Variants in TTC17 observed in about 807,000 individuals in gnomAD.
TTC17 encodes tetratricopeptide repeat protein 17.
A neutral mutation model predicts 143.8 loss-of-function variants in TTC17; 58 were observed. The observed-to-expected ratio is 0.40, with a 90% CI of 0.33 to 0.50. The LOEUF is 0.50. Among genes scored for constraint, TTC17 ranks in the 20% least tolerant of loss-of-function variants. TTC17 has a pLI of 0.49. For synonymous variants in TTC17, 501 were observed against 497.8 expected (o/e 1.01, Z -0.09); for missense variants, 1,273 against 1,392.5 (o/e 0.91, Z 1.37).
At chr11:43,432,947 C>G (rs1947192497) in intron 16 of TTC17, among the ~76,000 whole-genome samples, 1 of 152,152 alleles carries the variant, frequency 6.6e-6, no homozygotes, top group Non-Finnish European at 1.5e-5. Context: ...CAAATCACAT[C>G]AAAACCCTAA....
At chr11:43,418,018 T>G (rs1044987083) in intron 16 of TTC17, among the ~76,000 whole-genome samples, 2 of 152,354 alleles carry the variant, frequency 1.3e-5, no homozygotes, top group Admixed American at 1.3e-4. Context: ...AATTTGTGTT[T>G]CTTGGAATGC....
At chr11:43,480,872 C>A (rs1590498475) in intron 21 of TTC17, among the ~76,000 whole-genome samples, 6 of 122,636 alleles carry the variant, frequency 4.9e-5, no homozygotes, top group East Asian at 2.4e-4. Context: ...CAAAAAAAAT[C>A]AATACAAGAA....
chr11:43,405,713 G>A, intron 12 of TTC17, 73 bp from the exon 13 acceptor site: 1 of 1,611,832 alleles, frequency 6.2e-7, no homozygotes, highest in South Asian at 1.1e-5. Context: ...CCTTGGACTT[G>A]AAAAGTTAAG....
intron 18 of TTC17, chr11:43,446,784 G>A: frequency 3.3e-6 from 2 of 610,692 alleles, no homozygotes; most frequent in Non-Finnish European, 4.1e-6. Context: ...AGACAAGACA[G>A]TTCTGCTCTT....
Position 43,365,332 on chromosome 11 carries a change from G to A in TTC17, c.159+6219G>A, listed in dbSNP as rs569170771. Among the ~76,000 whole-genome samples the A allele has an allele frequency of 6.6e-5, 10 of 152,102 alleles. No homozygotes were observed. The East Asian group carries it at 1.4e-3, about 21-fold the overall frequency. On this transcript the variant is annotated intron_variant, in intron 1 of 23. Coordinates refer to ENST00000039989, the MANE Select transcript of TTC17 (RefSeq NM_018259.6). ...TGCTCAGGCTGGAATTCAGTGGCAT[G>A]ATTATGGCTCATTGTAAACTTGAAC...
At chr11:43,379,181 C>A in intron 1 of TTC17, 52 bp from the exon 2 acceptor site, 1 of 1,520,582 alleles carries the variant, frequency 6.6e-7, no homozygotes, top group Non-Finnish European at 9.1e-7. Context: ...TTTGTTAATC[C>A]AAACCAGCAT....
intron 16 of TTC17, among the ~76,000 whole-genome samples, chr11:43,435,650 T>G (rs1019114048): frequency 1.3e-5 from 2 of 152,242 alleles, no homozygotes; most frequent in Non-Finnish European, 2.9e-5. Flanking sequence ...TATTGCAGCC[T>G]TAATTGTTGA....
rs1327194386 is a variant in TTC17, at chr11:43,404,387, C to T, written c.1479+243C>T. On this transcript the variant is annotated intron_variant, in intron 11 of 23. Transcript: ENST00000039989. The stretch of plus-strand genomic sequence containing the variant: ...TAGACACCCTGATTTCAGTTCAAAG[C>T]TTTATCCTCTGAGTATTATTACCAA... Among the ~76,000 whole-genome samples the T allele has an allele frequency of 2.6e-5, 4 of 152,294 alleles. No homozygotes were observed. In the East Asian group the frequency reaches 7.7e-4, roughly 29 times the overall value.
At chr11:43,477,824 T>G (rs532457492) in intron 21 of TTC17, among the ~76,000 whole-genome samples, 70 of 152,272 alleles carry the variant, frequency 4.6e-4, no homozygotes, top group Middle Eastern at 3.4e-3. Context: ...TAATTTTTTT[T>G]GGGGGATAAG....
At chr11:43,462,921 C>CTTTTTTTTTTT (rs562594929) in intron 21 of TTC17, among the ~76,000 whole-genome samples, 3,864 of 117,394 alleles carry the variant, frequency 0.033, 523 homozygotes, top group African/African-American at 0.074. Flanking sequence ...TGACAAAATT[C>CTTTTTTTTTTT]TTTTTTTTTT....
intron 18 of TTC17, chr11:43,445,830 T>C (rs979312618): frequency 1.5e-6 from 1 of 687,404 alleles, no homozygotes; most frequent in Non-Finnish European, 2.6e-6. Flanking sequence ...TTAAATAGTT[T>C]GTGAGCCCAT....
rs773957786 is a variant in TTC17 at position 43,450,165 on chromosome 11, T to C, written c.2870T>C (p.Met957Thr). ...TGCAATGGCAATCTCCCCACGAGTA[T>C]GCATACCCTGGACCACTTGCATGGG... ...PLCNGNLPTS[M>T]HTLDHLHGVS... The change falls in exon 20 of 24, where the codon ATG (methionine) becomes ACG (threonine). Residue 957 changes from methionine to threonine, a missense_variant. Transcript: ENST00000039989. 6.2e-7 allele frequency: 1 copy of C among 1,614,180 alleles called. No individual in the cohort carries two copies. Among genetic ancestry groups the C allele is most frequent in the Non-Finnish European group, 8.5e-7 (1 of 1,180,028 alleles).
chr11:43,464,279 C>CA (rs71449848), intron 21 of TTC17, among the ~76,000 whole-genome samples: 1,716 of 97,200 alleles, frequency 0.018, 23 homozygotes, highest in African/African-American at 0.053. Context: ...GACTCCATCT[C>CA]AAAAAAAAAA....
intron 11 of TTC17, 150 bp from the exon 12 acceptor site, chr11:43,405,364 C>A: frequency 1.5e-6 from 1 of 649,616 alleles, no homozygotes. Context: ...GATTAATAAT[C>A]TGCAGTAGCA....
chr11:43,461,338 T>C (rs975687854), intron 21 of TTC17, among the ~76,000 whole-genome samples: 1 of 138,466 alleles, frequency 7.2e-6, no homozygotes, highest in African/African-American at 2.7e-5. Flanking sequence ...GAGCCGAGAT[T>C]GCGCCACTGC....
At chr11:43,397,519 C>T in intron 7 of TTC17, 28 bp downstream of exon 7, 1 of 1,506,518 alleles carries the variant, frequency 6.6e-7, no homozygotes, top group Non-Finnish European at 9.0e-7. Flanking sequence ...TTTCATGAGT[C>T]ATGCTAGTTG....
chr11:43,388,185 G>A (rs1857237277), intron 2 of TTC17, among the ~76,000 whole-genome samples: 2 of 152,028 alleles, frequency 1.3e-5, no homozygotes, highest in South Asian at 4.1e-4. Flanking sequence ...CAACATAAAT[G>A]TTTACAGGAA....
At chr11:43,431,353 C>T (rs1437981030) in intron 16 of TTC17, among the ~76,000 whole-genome samples, 1 of 152,198 alleles carries the variant, frequency 6.6e-6, no homozygotes, top group African/African-American at 2.4e-5. Flanking sequence ...ACCGCATTGT[C>T]TTCCACAGTG....
intron 15 of TTC17, among the ~76,000 whole-genome samples, chr11:43,414,354 A>G (rs910762374): frequency 1.1e-4 from 17 of 152,146 alleles, no homozygotes; most frequent in Non-Finnish European, 2.1e-4. Flanking sequence ...TTACAGGGGT[A>G]TATACATATA....
Sources: allele counts gnomAD v4.1 joint callset (sites outside exome capture counted in the v4.1 genomes callset), GRCh38; gene constraint gnomAD v4.1.1; transcripts MANE v1.5; gene names NCBI Gene and HGNC (gene_info 2026-07-23, HGNC 2026-07-21).